ZNF675: variants seen among roughly 807,000 people sequenced by gnomAD.
ZNF675 encodes zinc finger protein 675.
Under a neutral mutation model 56.1 loss-of-function variants are expected in ZNF675, and 36 were observed. The ratio of observed to expected loss-of-function variants is 0.64; its 90% confidence interval spans 0.49 to 0.85. ZNF675 has a LOEUF of 0.85. Ranked by LOEUF, ZNF675 falls within the 40% of genes least tolerant of loss-of-function variation. ZNF675 has a pLI of 0.00. For synonymous variants in ZNF675, 200 were observed against 218.9 expected, an observed-to-expected ratio of 0.91 and a Z score of 0.76; for missense variants, 663 against 654.2, an observed-to-expected ratio of 1.01 and a Z score of -0.15.
intron 1 of ZNF675, among the ~76,000 whole-genome samples, chr19:23,669,814 C>T (rs1448309412): frequency 2.0e-5 from 3 of 151,606 alleles, no homozygotes; most frequent in African/African-American, 4.9e-5. Context: ...GATCATGCCA[C>T]TGCACTCCAG....
chr19:23,654,262 C>A lies in ZNF675; in HGVS notation c.671G>T (p.Cys224Phe). The A allele has an allele frequency of 1.9e-6, 3 of 1,613,220 alleles. No individual in the cohort carries two copies. The highest frequency in any genetic ancestry group is 2.5e-6 in the Non-Finnish European group (3 of 1,179,760). The change falls in exon 4 of 4, where the codon TGT (cysteine) becomes TTT (phenylalanine). Residue 224 changes from cysteine (C) to phenylalanine (F), a missense_variant. Physicochemically the swap from Cys to Phe is radical, Grantham distance 205 (BLOSUM62 -2). This residue lies in a region of ZNF675 where 617 missense variants were observed against 590.5 expected (regional missense o/e 1.04). Coordinates refer to ENST00000359788, the MANE Select transcript of ZNF675 (RefSeq NM_138330.3). ...TTCTTGACATTTGTAGAGTTTCTCACAAGTATAAATTCTTTTATGTTTAGT... is the reference window on the plus strand; with the variant it reads ...TTCTTGACATTTGTAGAGTTTCTCAAAAGTATAAATTCTTTTATGTTTAGT... ...KLTKHKRIYT[C>F]EKLYKCQECD...
chr19:23,660,571 G>A (rs1264678385), intron 3 of ZNF675, among the ~76,000 whole-genome samples: 2 of 151,878 alleles, frequency 1.3e-5, no homozygotes, highest in African/African-American at 2.4e-5. Context: ...TAAACTCTCT[G>A]ATAAAATAGA....
At chr19:23,683,737 T>C (rs1040352963) in intron 1 of ZNF675, among the ~76,000 whole-genome samples, 2 of 152,152 alleles carry the variant, frequency 1.3e-5, no homozygotes, top group African/African-American at 4.8e-5. Flanking sequence ...TTTTCCTTAG[T>C]AGGATTCTAA....
chr19:23,673,249 G>C (rs983762312), intron 1 of ZNF675, among the ~76,000 whole-genome samples: 6 of 152,168 alleles, frequency 3.9e-5, no homozygotes, highest in African/African-American at 1.4e-4. Context: ...CTGCACATTT[G>C]TGAGCATTTC....
intron 1 of ZNF675, among the ~76,000 whole-genome samples, chr19:23,672,265 C>G (rs956154225): frequency 4.6e-5 from 7 of 151,138 alleles, no homozygotes; most frequent in African/African-American, 7.3e-5. Flanking sequence ...CAAGAATACT[C>G]TACTCCAGTA....
At chr19:23,683,873 T>A (rs1025414050) in intron 1 of ZNF675, among the ~76,000 whole-genome samples, 2 of 123,406 alleles carry the variant, frequency 1.6e-5, no homozygotes, top group Non-Finnish European at 3.5e-5. Flanking sequence ...TATAATTAAA[T>A]TTTTTTTTTC....
chr19:23,669,533 G>A lies in ZNF675; in HGVS notation c.4-6375C>T, dbSNP rs181551099. ...AAGGAAATGTATTATTGCTGAAGTT[G>A]AGAGAGTTAAAGGGTTGCTTTAAAT... On this transcript the variant is annotated intron_variant, in intron 1 of 3. Transcript: ENST00000359788. Among the ~76,000 whole-genome samples the A allele has an allele frequency of 4.6e-5, 7 of 152,140 alleles. 1 individual carries two copies. Among genetic ancestry groups the A allele is most frequent in the Admixed American group, 4.6e-4 (7 of 15,254 alleles).
chr19:23,670,188 T>TC (rs1968210827), intron 1 of ZNF675, among the ~76,000 whole-genome samples: 1 of 152,172 alleles, frequency 6.6e-6, no homozygotes, highest in South Asian at 2.1e-4. Context: ...GGCTATATCT[T>TC]CCACCATTAG....
chr19:23,680,271 T>C lies in ZNF675; in HGVS notation c.3+6760A>G, dbSNP rs1032203423. ...CGAGCTGACATCTGCACAACTGCAC[T>C]CTAGCCTGGGGACAAAGCCAGACTC... On this transcript the variant is annotated intron_variant, in intron 1 of 3. Transcript: ENST00000359788. 2.4e-4 allele frequency among the ~76,000 whole-genome samples: 36 copies of C among 151,430 alleles called. 1 individual carries two copies. Among genetic ancestry groups the C allele is most frequent in the African/African-American group, 8.3e-4 (34 of 40,862 alleles).
chr19:23,660,362 T>C (rs541459886), intron 3 of ZNF675, among the ~76,000 whole-genome samples: 36 of 152,284 alleles, frequency 2.4e-4, no homozygotes, highest in South Asian at 2.1e-4. Context: ...TAGTTTAACA[T>C]AACACTGAAA....
At position 23,687,108 on chromosome 19, in the gene ZNF675, C is replaced by A. The variant is rs988908333; in HGVS notation, c.-75G>T. The A allele has an allele frequency of 1.4e-5, 22 of 1,569,218 alleles. No individual in the cohort carries two copies. The highest frequency in any genetic ancestry group is 1.8e-5 in the Non-Finnish European group (21 of 1,140,564). ...TCTGCAGGTCACAGGCCCACAGAGG[C>A]TGGACCTCTAGGAGCAGAGGACACA... On this transcript the variant is annotated 5_prime_UTR_variant, in exon 1 of 4. Transcript: ENST00000359788.
Position 23,653,967 on chromosome 19 carries a change from G to C in ZNF675, c.966C>G (p.Thr322=), listed in dbSNP as rs544292769. 6.2e-6 allele frequency: 10 copies of C among 1,613,566 alleles called. No individual in the cohort carries two copies. Among genetic ancestry groups the C allele is most frequent in the Admixed American group, 5.0e-5 (3 of 59,974 alleles). Residue 322 remains threonine (T), a synonymous_variant, in exon 4 of 4, where the codon ACC becomes ACG. Transcript: ENST00000359788. ...TATGTGTAGTAAGGGTTGAGGATTG[G>C]GTAAAAGCCTTGCCACATTCTTCAC... ...YICEECGKAF[T]QSSTLTTHKR...
At position 23,653,823 on chromosome 19, in the gene ZNF675, A is replaced by G. The variant is rs1881388923; in HGVS notation, c.1110T>C (p.Cys370=). The G allele has an allele frequency of 1.2e-6, 2 of 1,613,816 alleles. No homozygotes were observed. The highest frequency in any genetic ancestry group is 1.7e-6 in the Non-Finnish European group (2 of 1,179,878). ...NIHTGEQPYK[C]EECGKAFNRS... is the part of the protein sequence containing the mutation. ...GGTTAAAAGCTTTGCCGCATTCCTC[A>G]CATTTGTAGGGTTGCTCTCCAGTAT... The change falls in exon 4 of 4, where the codon TGT becomes TGC. Residue 370 remains cysteine, a synonymous_variant. Transcript: ENST00000359788.
At chr19:23,655,531 A>G (rs1167319410) in intron 3 of ZNF675, 1 of 151,966 alleles carries the variant, frequency 6.6e-6, no homozygotes, top group African/African-American at 2.4e-5. Flanking sequence ...AACAGAGTGT[A>G]AACTTACTGA....
rs891848674 is a variant in ZNF675, at chr19:23,653,174, A to G, written c.*52T>C. The stretch of plus-strand genomic sequence containing the variant: ...CTTTACATTTCTAGAATTTTTCACC[A>G]GTATGATTTCCTTTATATTTAGAAA... On this transcript the variant is annotated 3_prime_UTR_variant, in exon 4 of 4. Coordinates refer to ENST00000359788, the MANE Select transcript of ZNF675 (RefSeq NM_138330.3). 6.8e-7 allele frequency: 1 copy of G among 1,468,664 alleles called. No homozygotes were observed. Among genetic ancestry groups the G allele is most frequent in the Non-Finnish European group, 9.1e-7 (1 of 1,093,146 alleles). The allele number at this position is 1,468,664 out of a possible 1,614,324, so 91.0% of individuals were successfully genotyped here.
At chr19:23,677,801 C>A (rs928286044) in intron 1 of ZNF675, among the ~76,000 whole-genome samples, 2 of 149,914 alleles carry the variant, frequency 1.3e-5, no homozygotes, top group African/African-American at 5.0e-5. Context: ...ATCTCTAGGA[C>A]AAGAATTACA....
chr19:23,676,822 C>T (rs959436740), intron 1 of ZNF675, among the ~76,000 whole-genome samples: 1 of 150,688 alleles, frequency 6.6e-6, no homozygotes, highest in African/African-American at 2.5e-5. Flanking sequence ...CGCCTGTAAT[C>T]CCAGCACTTT....
intron 1 of ZNF675, among the ~76,000 whole-genome samples, chr19:23,669,154 T>C (rs1209430864): frequency 6.6e-6 from 1 of 152,202 alleles, no homozygotes; most frequent in Non-Finnish European, 1.5e-5. Flanking sequence ...ATGTTGGTAA[T>C]TGAGTGGAAC....
At chr19:23,669,757 G>A (rs1234490141) in intron 1 of ZNF675, among the ~76,000 whole-genome samples, 1 of 151,960 alleles carries the variant, frequency 6.6e-6, no homozygotes, top group Non-Finnish European at 1.5e-5. Flanking sequence ...GGAGGCTGAG[G>A]CAGGAGAATC....
Sources: gnomAD v4.1 joint callset for allele counts (sites outside exome capture counted in the v4.1 genomes callset) on GRCh38, gnomAD v4.1.1 for gene constraint, gnomAD v4.1.1 regional missense constraint, MANE v1.5 for transcripts, NCBI Gene and HGNC (gene_info 2026-07-23, HGNC 2026-07-21) for gene names.